SLC1A1: variants seen among roughly 807,000 people sequenced by gnomAD.
The protein encoded by SLC1A1 is solute carrier family 1 member 1.
Under a neutral mutation model 53.3 loss-of-function variants are expected in SLC1A1, and 43 were observed. The observed-to-expected ratio is 0.81, with a 90% CI of 0.63 to 1.04. The LOEUF is 1.04. Among genes scored for constraint, SLC1A1 ranks in the 50% least tolerant of loss-of-function variants. The pLI, the probability that SLC1A1 is intolerant of heterozygous loss-of-function variation, is 0.00. For synonymous variants in SLC1A1, 307 were observed against 243.2 expected, an observed-to-expected ratio of 1.26 and a Z score of -2.44; for missense variants, 748 against 664.9, an observed-to-expected ratio of 1.12 and a Z score of -1.37.
intron 1 of SLC1A1, 70 bp downstream of exon 1, chr9:4,490,840 G>C: frequency 3.0e-6 from 4 of 1,347,330 alleles, no homozygotes; most frequent in African/African-American, 2.9e-5. Flanking sequence ...GCGTGCGGCT[G>C]AGGGTGGGCT....
At chr9:4,505,916 C>T (rs761567079) in intron 1 of SLC1A1, among the ~76,000 whole-genome samples, 5 of 152,140 alleles carry the variant, frequency 3.3e-5, no homozygotes, top group African/African-American at 7.2e-5. Flanking sequence ...CTCCGCCTTC[C>T]GAGTTCAAGC....
intron 1 of SLC1A1, among the ~76,000 whole-genome samples, chr9:4,533,244 C>G (rs10974601): frequency 0.48 from 71,550 of 149,910 alleles, 17,316 homozygotes; most frequent in Non-Finnish European, 0.53. Context: ...GGGCTAAATG[C>G]TCCAATTAAA....
chr9:4,563,144 G>GA lies in SLC1A1; in HGVS notation c.326-1199dup, dbSNP rs1268979749. On this transcript the variant is annotated intron_variant, in intron 3 of 11. Transcript: ENST00000262352. ...AATAAAAGAAAAAAAAAGAGAGAGA[G>GA]AGAAAAAAAAAAAAGAAGAATGCCC... Among the ~76,000 whole-genome samples, 127 of 143,438 alleles carry GA rather than the reference G, an allele frequency of 8.9e-4. 2 individuals are homozygous for GA. Among genetic ancestry groups the GA allele is most frequent in the Admixed American group, 2.2e-3 (32 of 14,396 alleles). The allele number at this position is 143,438 out of a possible 152,430, so 94.1% of individuals were successfully genotyped here. A position where few individuals can be genotyped will look rare whatever the true frequency, so the allele number is the denominator to read the frequency against.
At chr9:4,553,896 C>T (rs1818151274) in intron 2 of SLC1A1, 1 of 152,180 alleles carries the variant, frequency 6.6e-6, no homozygotes. Context: ...TCCTCTTTGC[C>T]TCTTCCTTTC....
intron 1 of SLC1A1, among the ~76,000 whole-genome samples, chr9:4,526,750 CA>C (rs1476750894): frequency 2.6e-5 from 4 of 151,978 alleles, no homozygotes; most frequent in Non-Finnish European, 5.9e-5. Context: ...GCCAGTGTTG[CA>C]TGAGGTTTTT....
chr9:4,574,326 TG>T (rs1386227747), intron 8 of SLC1A1, among the ~76,000 whole-genome samples: 1 of 152,242 alleles, frequency 6.6e-6, no homozygotes, highest in South Asian at 2.1e-4. Flanking sequence ...GGCTCTCTCC[TG>T]GCCTTCATTT....
At chr9:4,509,261 A>T (rs1820911318) in intron 1 of SLC1A1, among the ~76,000 whole-genome samples, 2 of 152,170 alleles carry the variant, frequency 1.3e-5, no homozygotes, top group Non-Finnish European at 2.9e-5. Flanking sequence ...GGGGGGTGAG[A>T]AGGACATGCA....
chr9:4,534,991 T>C (rs964050071), intron 1 of SLC1A1, among the ~76,000 whole-genome samples: 25 of 152,130 alleles, frequency 1.6e-4, no homozygotes, highest in Non-Finnish European at 3.5e-4. Flanking sequence ...GAAAAGGCCT[T>C]TGACAAAATT....
Position 4,583,228 on chromosome 9 carries a change from T to A in SLC1A1, c.1328+56T>A. On this transcript the variant is annotated intron_variant, in intron 11 of 11. Transcript: ENST00000262352. The surrounding 1 kb of genome is among the most constrained non-coding windows in gnomAD (Gnocchi z 4.6). ...GGATGTGCAGGCGGGCTTCCCAGCC[T>A]CGCAGGCGCTGCAGTCTGTCATCAT... 1 of 1,607,718 alleles carries A rather than the reference T, an allele frequency of 6.2e-7. No homozygotes were observed. The highest frequency in any genetic ancestry group is 8.5e-7 in the Non-Finnish European group (1 of 1,174,546).
chr9:4,546,356 T>C (rs551943974), intron 2 of SLC1A1, among the ~76,000 whole-genome samples: 13 of 152,224 alleles, frequency 8.5e-5, no homozygotes, highest in Non-Finnish European at 1.6e-4. Context: ...TATTTGTTTA[T>C]TTGTTTAAAT....
chr9:4,547,320 A>G (rs10733515), intron 2 of SLC1A1, among the ~76,000 whole-genome samples: 151,435 of 152,348 alleles, frequency 0.99, 75,271 homozygotes, highest in Middle Eastern at 1. Flanking sequence ...TATAGCATGG[A>G]TCAAGTAGTT....
Position 4,544,907 on chromosome 9 carries a change from A to C in SLC1A1, c.232+200A>C, listed in dbSNP as rs4641119. 0.23 allele frequency among the ~76,000 whole-genome samples: 35,321 copies of C among 152,142 alleles called. 4,988 individuals carry two copies. The highest frequency in any genetic ancestry group is 0.35 in the Admixed American group (5,278 of 15,274). ...CAACCTCCTTCACAAGGTGGCAGGA[A>C]GGAGAAAGGCTGGGCGAAGCAGGAA... On this transcript the variant is annotated intron_variant, in intron 2 of 11. Transcript: ENST00000262352.
chr9:4,490,674 A>G lies in SLC1A1; in HGVS notation c.-6A>G. 6.2e-7 allele frequency: 1 copy of G among 1,611,956 alleles called. No individual in the cohort carries two copies. The highest frequency in any genetic ancestry group is 8.5e-7 in the Non-Finnish European group (1 of 1,178,516). ...CCGAGCCCAGCGCACAATAGCGGCG[A>G]CAGCCATGGGGAAACCGGCGAGGAA... On this transcript the variant is annotated 5_prime_UTR_variant, in exon 1 of 12. Transcript: ENST00000262352.
At chr9:4,506,632 G>C (rs533584673) in intron 1 of SLC1A1, among the ~76,000 whole-genome samples, 2 of 152,108 alleles carry the variant, frequency 1.3e-5, no homozygotes, top group Admixed American at 1.3e-4. Context: ...GTAATGCTTG[G>C]TTGCTTTTTT....
At chr9:4,577,988 T>C (rs1036746310) in intron 10 of SLC1A1, among the ~76,000 whole-genome samples, 1 of 152,166 alleles carries the variant, frequency 6.6e-6, no homozygotes, top group Admixed American at 6.5e-5. Context: ...ACTCCCAGGA[T>C]TGGCAGATGA....
intron 1 of SLC1A1, among the ~76,000 whole-genome samples, chr9:4,529,894 C>G (rs1586717417): frequency 6.6e-6 from 1 of 152,118 alleles, no homozygotes; most frequent in African/African-American, 2.4e-5. Flanking sequence ...TGGGCCTAGT[C>G]CCTTTTAGAG....
chr9:4,573,022 A>T (rs1474686255), intron 7 of SLC1A1, among the ~76,000 whole-genome samples: 1 of 152,226 alleles, frequency 6.6e-6, no homozygotes, highest in Admixed American at 6.5e-5. Context: ...TTCACTGTAC[A>T]TGAGAACACA....
rs1166367021 is a variant in SLC1A1, at chr9:4,560,363, T to C, written c.233-1086T>C. ...TGACAGATTACTGAGCCATTAAAAT[T>C]ATCCTCAGGGTGAGTTTGTAACAAT... On this transcript the variant is annotated intron_variant, in intron 2 of 11. Transcript: ENST00000262352. Among the ~76,000 whole-genome samples the C allele has an allele frequency of 9.2e-5, 14 of 152,304 alleles. 1 individual carries two copies. The highest frequency in any genetic ancestry group is 9.2e-4 in the Admixed American group (14 of 15,294).
chr9:4,548,049 C>G (rs1170205170), intron 2 of SLC1A1, among the ~76,000 whole-genome samples: 1 of 152,132 alleles, frequency 6.6e-6, no homozygotes, highest in Non-Finnish European at 1.5e-5. Flanking sequence ...GTTCTGCTTT[C>G]TTTACATTTT....
Sources: allele counts gnomAD v4.1 joint callset (sites outside exome capture counted in the v4.1 genomes callset), GRCh38; gene constraint gnomAD v4.1.1; non-coding constraint Gnocchi (gnomAD v3.1); transcripts MANE v1.5; gene names NCBI Gene and HGNC (gene_info 2026-07-23, HGNC 2026-07-21).